The following EIF4G3 variants were observed in gnomAD, a reference collection of about 807,000 sequenced individuals.
The protein encoded by EIF4G3 is eIF-4-gamma 3.
A neutral mutation model predicts 186.4 loss-of-function variants in EIF4G3; 34 were observed. The observed-to-expected ratio is 0.18, with a 90% CI of 0.14 to 0.24. The LOEUF is 0.24. Ranked by LOEUF, EIF4G3 falls within the 10% of genes least tolerant of loss-of-function variation. The probability of loss-of-function intolerance (pLI) is 1.00; values close to 1 mark genes in which losing one functional copy is unlikely to be tolerated. For missense variants in EIF4G3, 1,536 were observed against 1,948.5 expected (o/e 0.79, Z 3.99); for synonymous variants, 673 against 679.5 (o/e 0.99, Z 0.15).
At chr1:21,086,962 G>T (rs1327997686) in intron 3 of EIF4G3, among the ~76,000 whole-genome samples, 1 of 148,964 alleles carries the variant, frequency 6.7e-6, no homozygotes, top group African/African-American at 2.5e-5. Context: ...AAGAAAAAAA[G>T]AAATGGCCTG....
chr1:21,044,637 G>GTTTTTTT (rs11334476), intron 4 of EIF4G3, among the ~76,000 whole-genome samples: 1 of 141,024 alleles, frequency 7.1e-6, no homozygotes, highest in African/African-American at 2.7e-5. Flanking sequence ...AACTTCATTC[G>GTTTTTTT]TTTTTTTTTT....
At chr1:20,862,190 G>T in intron 23 of EIF4G3, 38 bp downstream of exon 23, 1 of 1,261,480 alleles carries the variant, frequency 7.9e-7, no homozygotes, top group Non-Finnish European at 1.1e-6. Flanking sequence ...TAAAGAGACT[G>T]GACCAGCAGG....
At chr1:21,050,469 A>T (rs2094143013) in intron 4 of EIF4G3, among the ~76,000 whole-genome samples, 1 of 152,236 alleles carries the variant, frequency 6.6e-6, no homozygotes, top group Non-Finnish European at 1.5e-5. Context: ...GCTACTCAAG[A>T]GGGGAAGACA....
chr1:21,015,588 G>A (rs896344249), intron 4 of EIF4G3, among the ~76,000 whole-genome samples: 1 of 151,996 alleles, frequency 6.6e-6, no homozygotes, highest in Non-Finnish European at 1.5e-5. Context: ...GCAAGAACCT[G>A]TCTATACAAA....
chr1:20,819,435 G>A, intron 33 of EIF4G3, among the ~76,000 whole-genome samples: 1 of 144,030 alleles, frequency 6.9e-6, no homozygotes, highest in South Asian at 2.2e-4. Context: ...CTTTTAAACT[G>A]AAGTCTCATA....
intron 20 of EIF4G3, among the ~76,000 whole-genome samples, chr1:20,878,896 T>C (rs916838237): frequency 2.0e-5 from 3 of 152,232 alleles, no homozygotes; most frequent in African/African-American, 7.2e-5. Context: ...TGAAACCTTT[T>C]TGACTACAGA....
intron 14 of EIF4G3, among the ~76,000 whole-genome samples, chr1:20,915,418 A>G (rs1312618582): frequency 6.6e-6 from 1 of 152,078 alleles, no homozygotes; most frequent in Non-Finnish European, 1.5e-5. Context: ...CCAGAAAACT[A>G]CAGGCGAACA....
intron 11 of EIF4G3, among the ~76,000 whole-genome samples, chr1:20,970,878 C>T (rs901837924): frequency 6.6e-6 from 1 of 151,990 alleles, no homozygotes; most frequent in African/African-American, 2.4e-5. Context: ...GCAGGAGAAT[C>T]GCTTGAACCC....
rs544505129 is a variant in EIF4G3 at position 20,891,803 on chromosome 1, A to G, written c.2253+1714T>C. Among the ~76,000 whole-genome samples, 303 of 151,508 alleles carry G rather than the reference A, an allele frequency of 2.0e-3. 1 individual carries two copies. Among genetic ancestry groups the G allele is most frequent in the African/African-American group, 6.7e-3 (279 of 41,344 alleles). On this transcript the variant is annotated intron_variant, in intron 18 of 36. Coordinates refer to ENST00000602326, the MANE Select transcript of EIF4G3 (RefSeq NM_001391906.1). Reference sequence around the variant, plus strand: ...ACACTCTGTCTCAAAAAAAAAAAAAAGGGTATAAAATGGTTTCTAGAAAGC... The same window carrying G: ...ACACTCTGTCTCAAAAAAAAAAAAAGGGGTATAAAATGGTTTCTAGAAAGC...
intron 11 of EIF4G3, among the ~76,000 whole-genome samples, chr1:20,970,574 C>T (rs2075661287): frequency 6.6e-6 from 1 of 152,030 alleles, no homozygotes; most frequent in Non-Finnish European, 1.5e-5. Context: ...GATCGCGCCA[C>T]TGCACTCCAG....
chr1:20,849,913 C>T (rs541292193), intron 28 of EIF4G3, among the ~76,000 whole-genome samples: 130 of 152,214 alleles, frequency 8.5e-4, no homozygotes, highest in Non-Finnish European at 1.4e-3. Context: ...TTGAACAAAC[C>T]GTGGCTATTC....
intron 4 of EIF4G3, among the ~76,000 whole-genome samples, chr1:21,046,296 A>C (rs1291912952): frequency 2.0e-5 from 3 of 151,838 alleles, no homozygotes; most frequent in Non-Finnish European, 4.4e-5. Context: ...ATTAAACAAA[A>C]TCTCCAGAGA....
At chr1:20,964,027 A>C (rs6669077) in intron 12 of EIF4G3, among the ~76,000 whole-genome samples, 66,312 of 151,874 alleles carry the variant, frequency 0.44, 14,830 homozygotes, top group Non-Finnish European at 0.47. Context: ...TTATTTTTAC[A>C]CTACCGGGTT....
chr1:21,122,039 G>A (rs1417942719), intron 2 of EIF4G3, among the ~76,000 whole-genome samples: 1 of 152,152 alleles, frequency 6.6e-6, no homozygotes, highest in Non-Finnish European at 1.5e-5. Flanking sequence ...CACACCTGGT[G>A]AGAGTCACAG....
At chr1:21,126,256 G>C (rs2097041430) in intron 2 of EIF4G3, among the ~76,000 whole-genome samples, 2 of 148,338 alleles carry the variant, frequency 1.3e-5, no homozygotes, top group African/African-American at 5.0e-5. Flanking sequence ...AGCTGGCACA[G>C]AAAAGGCAAA....
At position 20,950,198 on chromosome 1, in the gene EIF4G3, G is replaced by T; in HGVS notation, c.715-87C>A. On this transcript the variant is annotated intron_variant, in intron 12 of 36. Coordinates refer to ENST00000602326, the MANE Select transcript of EIF4G3 (RefSeq NM_001391906.1). ...GGAACCCAAGCAAGTAGGGAAGACA[G>T]TAGAGCACAGGAGATCACAAAATTA... 3 of 885,710 alleles carry T rather than the reference G, an allele frequency of 3.4e-6. No individual in the cohort carries two copies. In the South Asian group the frequency reaches 5.7e-5, roughly 17 times the overall value. The allele number at this position is 885,710 out of a possible 1,614,324, so 54.9% of individuals were successfully genotyped here.
At chr1:21,143,254 A>G (rs938851654) in intron 2 of EIF4G3, among the ~76,000 whole-genome samples, 10 of 151,864 alleles carry the variant, frequency 6.6e-5, no homozygotes, top group Non-Finnish European at 1.3e-4. Flanking sequence ...GTCAAGAAAG[A>G]AAGGAAAAAA....
chr1:20,893,691 C>T, intron 17 of EIF4G3, 55 bp from the exon 18 acceptor site: 1 of 1,420,042 alleles, frequency 7.0e-7, no homozygotes, highest in Non-Finnish European at 9.3e-7. Flanking sequence ...TTCCCTGCCA[C>T]AAAAGATAAC....
chr1:20,983,593 G>C (rs1448623521), intron 7 of EIF4G3, among the ~76,000 whole-genome samples: 1 of 152,156 alleles, frequency 6.6e-6, no homozygotes, highest in East Asian at 1.9e-4. Flanking sequence ...GGAGCCACAA[G>C]AATGATACAA....
Sources: allele counts gnomAD v4.1 joint callset (sites outside exome capture counted in the v4.1 genomes callset), GRCh38; gene constraint gnomAD v4.1.1; transcripts MANE v1.5; gene names NCBI Gene and HGNC (gene_info 2026-07-23, HGNC 2026-07-21).